Variants in HNRNPR observed in about 807,000 individuals in gnomAD.
HNRNPR encodes heterogeneous nuclear ribonucleoprotein R.
In HNRNPR, 4 loss-of-function variants were observed where a neutral mutation model predicts 70.3. That is an observed-to-expected ratio of 0.06 (90% CI 0.03 to 0.13). HNRNPR has a LOEUF of 0.13. Ranked by LOEUF, HNRNPR falls within the 10% of genes least tolerant of loss-of-function variation. The pLI, the probability that HNRNPR is intolerant of heterozygous loss-of-function variation, is 1.00. For missense variants in HNRNPR, 423 were observed against 788.5 expected (o/e 0.54, Z 5.55); for synonymous variants, 241 against 267.6 (o/e 0.90, Z 0.97).
chr1:23,321,457 GT>G (rs1557859117), intron 7 of HNRNPR, 70 bp downstream of exon 7: 5 of 1,325,236 alleles, frequency 3.8e-6, no homozygotes, highest in South Asian at 1.4e-5. Context: ...CAACCCCTCA[GT>G]TTTTTTGAGC....
In HNRNPR at chr1:23,306,992, T is replaced by C. The variant is rs1569857453; in HGVS notation, c.*3462A>G. 1 of 152,196 alleles carries C rather than the reference T, an allele frequency of 6.6e-6. No individual in the cohort carries two copies. The highest frequency in any genetic ancestry group is 1.9e-4 in the East Asian group (1 of 5,194). 9.4% of individuals were successfully genotyped at this position (152,196 alleles called of 1,614,324 possible). Reference sequence around the variant, plus strand: ...AGTGTAGTCTTTCTATAAGGCTTTTTCTTAGTTGCTCACTTAAGAGATTCC... The same window carrying C: ...AGTGTAGTCTTTCTATAAGGCTTTTCCTTAGTTGCTCACTTAAGAGATTCC... On this transcript the variant is annotated 3_prime_UTR_variant, in exon 11 of 11. Coordinates refer to ENST00000302271, the MANE Select transcript of HNRNPR (RefSeq NM_005826.5).
At chr1:23,336,220 G>C (rs984411117) in intron 4 of HNRNPR, among the ~76,000 whole-genome samples, 1 of 151,278 alleles carries the variant, frequency 6.6e-6, no homozygotes, top group African/African-American at 2.4e-5. Flanking sequence ...AAGGTCAGGA[G>C]TTTGAGACCA....
intron 2 of HNRNPR, among the ~76,000 whole-genome samples, chr1:23,340,389 G>C (rs1459389389): frequency 6.6e-6 from 1 of 151,280 alleles, no homozygotes; most frequent in African/African-American, 2.4e-5. Context: ...TTAGAAACTA[G>C]ACAAGCCACA....
chr1:23,313,639 A>T lies in HNRNPR; in HGVS notation c.1081T>A (p.Phe361Ile). ...CTTTCGAGTTTTCCAAATTCAGAAA[A>T]TGACTTTTCCAATATTTCTTCTGTC... ...TVTEEILEKS[F>I]SEFGKLERVK... is the part of the protein sequence containing the mutation. Residue 361 changes from phenylalanine (F) to isoleucine (I), a missense_variant, in exon 9 of 11, where the codon TTT (phenylalanine) becomes ATT (isoleucine). Phe to Ile is a conservative substitution (Grantham distance 21). Coordinates refer to ENST00000302271, the MANE Select transcript of HNRNPR (RefSeq NM_005826.5). 8 of 1,606,014 alleles carry T rather than the reference A, an allele frequency of 5.0e-6. No individual in the cohort carries two copies. The highest frequency in any genetic ancestry group is 5.9e-6 in the Non-Finnish European group (7 of 1,177,870).
At chr1:23,343,874 G>A (rs562582941) in intron 1 of HNRNPR, among the ~76,000 whole-genome samples, 3 of 152,248 alleles carry the variant, frequency 2.0e-5, no homozygotes, top group East Asian at 3.9e-4. Flanking sequence ...GCAGGGCCGC[G>A]GGCGCCTCAG....
At chr1:23,326,600 C>A (rs1645985604) in intron 5 of HNRNPR, among the ~76,000 whole-genome samples, 1 of 152,082 alleles carries the variant, frequency 6.6e-6, no homozygotes, top group Admixed American at 6.5e-5. Flanking sequence ...GCCTGGCCAA[C>A]ATGGTGAAAC....
At chr1:23,337,510 AG>A (rs1009895091) in intron 4 of HNRNPR, among the ~76,000 whole-genome samples, 2 of 152,118 alleles carry the variant, frequency 1.3e-5, no homozygotes, top group Admixed American at 1.3e-4. Flanking sequence ...ACAAATAATT[AG>A]CTGGGTGTGG....
At position 23,311,183 on chromosome 1, in the gene HNRNPR, A is replaced by G. The variant is rs1368461032; in HGVS notation, c.1289+18T>C. The G allele has an allele frequency of 1.2e-6, 2 of 1,613,176 alleles. No homozygotes were observed. Reference sequence around the variant, plus strand: ...TTATTCCTTGTCCAAAGATATATCTACTAAAATGTAGACTCACGCAGTGCT... The same window carrying G: ...TTATTCCTTGTCCAAAGATATATCTGCTAAAATGTAGACTCACGCAGTGCT... On this transcript the variant is annotated intron_variant, in intron 10 of 10. Transcript: ENST00000302271.
In HNRNPR at chr1:23,307,110, A is replaced by G. The variant is rs1201815733; in HGVS notation, c.*3344T>C. The G allele has an allele frequency of 6.6e-6, 1 of 152,206 alleles. No homozygotes were observed. Among genetic ancestry groups the G allele is most frequent in the Non-Finnish European group, 1.5e-5 (1 of 68,012 alleles). 9.4% of individuals were successfully genotyped at this position (152,206 alleles called of 1,614,324 possible). On this transcript the variant is annotated 3_prime_UTR_variant, in exon 11 of 11. Coordinates refer to ENST00000302271, the MANE Select transcript of HNRNPR (RefSeq NM_005826.5). Reference sequence around the variant, plus strand: ...ATTGGTAGCTCAGTATAATAAAATTATCTTTGAAAAATCAAAATGACAAGT... The same window carrying G: ...ATTGGTAGCTCAGTATAATAAAATTGTCTTTGAAAAATCAAAATGACAAGT...
chr1:23,334,159 C>G (rs965389859), intron 4 of HNRNPR, among the ~76,000 whole-genome samples: 2 of 151,810 alleles, frequency 1.3e-5, no homozygotes, highest in African/African-American at 4.8e-5. Flanking sequence ...TGAGATCCGC[C>G]TGTCTTGGCC....
In HNRNPR at chr1:23,304,742, T is replaced by C. The variant is rs1645178895; in HGVS notation, c.*5712A>G. 1 of 152,182 alleles carries C rather than the reference T, an allele frequency of 6.6e-6. No individual in the cohort carries two copies. The highest frequency in any genetic ancestry group is 2.4e-5 in the African/African-American group (1 of 41,434). 9.4% of individuals were successfully genotyped at this position (152,182 alleles called of 1,614,324 possible). On this transcript the variant is annotated 3_prime_UTR_variant, in exon 11 of 11. Transcript: ENST00000302271. Reference sequence around the variant, plus strand: ...ATTTAACATCGTACAAATATTCCAATACAGTTATGGTACATGAACACTGTA... The same window carrying C: ...ATTTAACATCGTACAAATATTCCAACACAGTTATGGTACATGAACACTGTA...
intron 5 of HNRNPR, among the ~76,000 whole-genome samples, chr1:23,332,058 C>T (rs942226234): frequency 4.0e-5 from 6 of 150,034 alleles, no homozygotes; most frequent in Admixed American, 3.3e-4. Context: ...CTTGAACCTG[C>T]GAGGCAGAGG....
At chr1:23,337,348 A>G (rs1248218047) in intron 4 of HNRNPR, among the ~76,000 whole-genome samples, 1 of 152,160 alleles carries the variant, frequency 6.6e-6, no homozygotes, top group African/African-American at 2.4e-5. Context: ...TTTCATTTCT[A>G]AACACTAGTT....
intron 5 of HNRNPR, among the ~76,000 whole-genome samples, chr1:23,326,763 T>C (rs1645998988): frequency 6.6e-6 from 1 of 152,212 alleles, no homozygotes; most frequent in Non-Finnish European, 1.5e-5. Context: ...CCAGCCTGGG[T>C]GACAAGAGTG....
intron 5 of HNRNPR, among the ~76,000 whole-genome samples, chr1:23,326,643 G>A (rs1378809705): frequency 2.0e-5 from 3 of 152,140 alleles, no homozygotes. Context: ...AAATTGGCCA[G>A]GCATGGTGGC....
chr1:23,311,744 C>T (rs1456084633), intron 9 of HNRNPR: 1 of 162,948 alleles, frequency 6.1e-6, no homozygotes, highest in Non-Finnish European at 1.3e-5. Context: ...ATGTAGCATA[C>T]AACATACAGG....
intron 8 of HNRNPR, among the ~76,000 whole-genome samples, chr1:23,314,011 TTC>T (rs1280746125): frequency 6.6e-6 from 1 of 152,308 alleles, no homozygotes; most frequent in African/African-American, 2.4e-5. Context: ...AAACAAGTTT[TTC>T]TGTTTCTTTC....
chr1:23,316,307 CATCTTTTAAAA>C lies in HNRNPR; in HGVS notation c.1017+2165_1017+2175del, dbSNP rs527954296. Among the ~76,000 whole-genome samples the C allele has an allele frequency of 1.5e-3, 226 of 152,118 alleles. 1 individual carries two copies. The highest frequency in any genetic ancestry group is 5.1e-3 in the African/African-American group (212 of 41,490). ...CTCCAGCCTGGGCAACATGAGACCC[CATCTTTTAAAA>C]AAAAGAAACAATAAAGGGCTCCATA... On this transcript the variant is annotated intron_variant, in intron 8 of 10. Transcript: ENST00000302271.
chr1:23,328,940 G>A (rs567882843), intron 5 of HNRNPR, among the ~76,000 whole-genome samples: 17 of 152,220 alleles, frequency 1.1e-4, no homozygotes, highest in South Asian at 1.0e-3. Flanking sequence ...GCAACAAAGC[G>A]AGACCCTGCC....
Sources: gnomAD v4.1 joint callset for allele counts (sites outside exome capture counted in the v4.1 genomes callset) on GRCh38, gnomAD v4.1.1 for gene constraint, MANE v1.5 for transcripts, NCBI Gene and HGNC (gene_info 2026-07-23, HGNC 2026-07-21) for gene names.